The following GABRB2 variants were observed in gnomAD, a reference collection of about 807,000 sequenced individuals.
The protein encoded by GABRB2 is gamma-aminobutyric acid receptor subunit beta-2.
GABRB2 carries 16 observed loss-of-function variants against 54.7 expected under a neutral mutation model. The observed-to-expected ratio is 0.29, with a 90% CI of 0.20 to 0.44. The LOEUF (loss-of-function observed/expected upper bound fraction) is 0.44. Ranked by LOEUF, GABRB2 falls within the 20% of genes least tolerant of loss-of-function variation. The probability of loss-of-function intolerance (pLI) is 1.00; values close to 1 mark genes in which losing one functional copy is unlikely to be tolerated. For missense variants in GABRB2, 355 were observed against 644.0 expected (o/e 0.55, Z 4.86); for synonymous variants, 244 against 233.8 (o/e 1.04, Z -0.40).
At chr5:161,411,928 T>G (rs552781313) in intron 4 of GABRB2, among the ~76,000 whole-genome samples, 67 of 152,266 alleles carry the variant, frequency 4.4e-4, no homozygotes, top group Non-Finnish European at 8.2e-4. Flanking sequence ...GAGTTCCATT[T>G]TTTAGTAAAA....
chr5:161,343,897 C>T (rs779567414), intron 5 of GABRB2, among the ~76,000 whole-genome samples: 1 of 152,122 alleles, frequency 6.6e-6, no homozygotes, highest in Non-Finnish European at 1.5e-5. Flanking sequence ...TAGGCCAATG[C>T]TTCTTAAGCT....
chr5:161,526,665 C>T (rs1760291141), intron 3 of GABRB2, among the ~76,000 whole-genome samples: 1 of 151,110 alleles, frequency 6.6e-6, no homozygotes, highest in Non-Finnish European at 1.5e-5. Flanking sequence ...CAACCATCTT[C>T]TGATAGTTAT....
At chr5:161,428,828 A>G (rs980563872) in intron 4 of GABRB2, among the ~76,000 whole-genome samples, 1 of 152,140 alleles carries the variant, frequency 6.6e-6, no homozygotes, top group African/African-American at 2.4e-5. Context: ...CCTTGGATAC[A>G]TTATTTAACC....
In GABRB2 at chr5:161,459,610, TG is replaced by T; in HGVS notation, c.458+13del. On this transcript the variant is annotated intron_variant, in intron 4 of 9. Transcript: ENST00000393959. ...GTTCAGGAAAAGTTATATTTTGAAT[TG>T]GGGACAACAGACCTGAGTCCATAAA... The T allele has an allele frequency of 6.2e-7, 1 of 1,604,842 alleles. No individual in the cohort carries two copies. The highest frequency in any genetic ancestry group is 8.5e-7 in the Non-Finnish European group (1 of 1,171,684).
chr5:161,493,421 T>G (rs1286778265), intron 3 of GABRB2, among the ~76,000 whole-genome samples: 7 of 151,762 alleles, frequency 4.6e-5, no homozygotes. Context: ...AGTTTTGCCA[T>G]GTAGCTACTA....
At chr5:161,325,915 G>A (rs1342925559) in intron 9 of GABRB2, among the ~76,000 whole-genome samples, 2 of 152,058 alleles carry the variant, frequency 1.3e-5, no homozygotes, top group Non-Finnish European at 2.9e-5. Context: ...AGGACTTGAT[G>A]CAAGCATAAC....
chr5:161,351,709 A>T (rs1476611210), intron 5 of GABRB2, among the ~76,000 whole-genome samples: 1 of 152,152 alleles, frequency 6.6e-6, no homozygotes, highest in Non-Finnish European at 1.5e-5. Flanking sequence ...ATGGGAATAC[A>T]TCAAATTAAA....
chr5:161,492,881 G>A (rs73800522), intron 3 of GABRB2, among the ~76,000 whole-genome samples: 2,648 of 151,456 alleles, frequency 0.017, 86 homozygotes, highest in African/African-American at 0.061. Flanking sequence ...TTTCTACCTC[G>A]TATTCTATTT....
chr5:161,536,918 T>C (rs912375861), intron 3 of GABRB2, among the ~76,000 whole-genome samples: 2 of 152,082 alleles, frequency 1.3e-5, no homozygotes, highest in African/African-American at 4.8e-5. Context: ...TTTTAAAAGC[T>C]GTTTCCCTCT....
chr5:161,402,369 T>A (rs1243611270), intron 5 of GABRB2, among the ~76,000 whole-genome samples: 5 of 152,162 alleles, frequency 3.3e-5, no homozygotes, highest in Admixed American at 3.3e-4. Context: ...AATATTCATA[T>A]GTGTATTTAA....
chr5:161,534,164 C>T (rs1244047018), intron 3 of GABRB2, among the ~76,000 whole-genome samples: 1 of 152,052 alleles, frequency 6.6e-6, no homozygotes, highest in Non-Finnish European at 1.5e-5. Flanking sequence ...AACAATTTTG[C>T]CCCCCAGGGT....
At chr5:161,489,227 T>C (rs1313181227) in intron 3 of GABRB2, among the ~76,000 whole-genome samples, 3 of 151,710 alleles carry the variant, frequency 2.0e-5, no homozygotes, top group African/African-American at 4.8e-5. Flanking sequence ...GTTTATTTTG[T>C]AGTAATATGA....
At chr5:161,400,874 G>A (rs1756163258) in intron 5 of GABRB2, among the ~76,000 whole-genome samples, 1 of 152,122 alleles carries the variant, frequency 6.6e-6, no homozygotes, top group African/African-American at 2.4e-5. Flanking sequence ...GTGAGGGATT[G>A]GAAGCCAGTG....
intron 4 of GABRB2, among the ~76,000 whole-genome samples, chr5:161,453,125 C>T (rs995062076): frequency 1.3e-5 from 2 of 152,094 alleles, no homozygotes; most frequent in African/African-American, 4.8e-5. Flanking sequence ...CTTTTTAAAT[C>T]GCTAGGATTT....
rs1008635476 is a variant in GABRB2 at position 161,351,904 on chromosome 5, C to T, written c.542-15135G>A. 2.8e-4 allele frequency among the ~76,000 whole-genome samples: 42 copies of T among 152,000 alleles called. 1 individual carries two copies. The highest frequency in any genetic ancestry group is 2.6e-3 in the Admixed American group (39 of 15,220). On this transcript the variant is annotated intron_variant, in intron 5 of 9. Transcript: ENST00000393959. ...AAAATGGGCAAATAACCTAAATAGA[C>T]ATTTCTTAAAAGAAGACATATAAAT...
At chr5:161,501,065 T>C (rs2113378106) in intron 3 of GABRB2, among the ~76,000 whole-genome samples, 1 of 117,918 alleles carries the variant, frequency 8.5e-6, no homozygotes, top group Non-Finnish European at 1.7e-5. Flanking sequence ...GCATGTATCA[T>C]CTAGTTACAG....
intron 5 of GABRB2, among the ~76,000 whole-genome samples, chr5:161,371,385 A>T (rs909468199): frequency 2.0e-5 from 3 of 152,190 alleles, no homozygotes; most frequent in Non-Finnish European, 1.5e-5. Flanking sequence ...CATTTCTAAA[A>T]TATGTATCTA....
intron 3 of GABRB2, among the ~76,000 whole-genome samples, chr5:161,532,226 T>C (rs554093600): frequency 3.9e-5 from 6 of 152,194 alleles, no homozygotes; most frequent in African/African-American, 1.4e-4. Context: ...TATGTATATA[T>C]GTGTATATCT....
intron 9 of GABRB2, among the ~76,000 whole-genome samples, chr5:161,311,611 T>C (rs942520786): frequency 6.6e-6 from 1 of 151,184 alleles, no homozygotes; most frequent in Non-Finnish European, 1.5e-5. Context: ...CTCAGTGTAG[T>C]TCTCAAGGCA....
Sources: allele counts gnomAD v4.1 joint callset (sites outside exome capture counted in the v4.1 genomes callset), GRCh38; gene constraint gnomAD v4.1.1; transcripts MANE v1.5; gene names NCBI Gene and HGNC (gene_info 2026-07-23, HGNC 2026-07-21).